Variants in CCDC171 observed in about 807,000 individuals in gnomAD.
CCDC171 encodes the protein coiled-coil domain-containing protein 171.
A neutral mutation model predicts 168.2 loss-of-function variants in CCDC171; 177 were observed. The observed-to-expected ratio is 1.05, with a 90% CI of 0.93 to 1.19. The LOEUF (loss-of-function observed/expected upper bound fraction) is 1.19. Among genes scored for constraint, CCDC171 ranks in the 50% most tolerant of loss-of-function variants. CCDC171 has a pLI of 0.00. For missense variants in CCDC171, 1,991 were observed against 1,539.0 expected, an observed-to-expected ratio of 1.29 and a Z score of -4.91; for synonymous variants, 687 against 540.8, an observed-to-expected ratio of 1.27 and a Z score of -3.75.
At chr9:15,705,349 C>G (rs1335199641) in intron 11 of CCDC171, among the ~76,000 whole-genome samples, 1 of 152,142 alleles carries the variant, frequency 6.6e-6, no homozygotes, top group Admixed American at 6.5e-5. Context: ...AGGTCCTGTG[C>G]TTTACTTAGA....
intron 23 of CCDC171, among the ~76,000 whole-genome samples, chr9:15,856,931 G>C (rs187153218): frequency 2.6e-5 from 4 of 151,968 alleles, no homozygotes; most frequent in African/African-American, 9.6e-5. Context: ...ACCTCATTGT[G>C]GTTTTGATTT....
intron 18 of CCDC171, among the ~76,000 whole-genome samples, chr9:15,771,911 C>T (rs2057032905): frequency 6.6e-6 from 1 of 152,170 alleles, no homozygotes. Flanking sequence ...CAGTTCACTG[C>T]AACCTCTGCC....
At chr9:15,894,321 T>G (rs1311889985) in intron 24 of CCDC171, among the ~76,000 whole-genome samples, 1 of 152,048 alleles carries the variant, frequency 6.6e-6, no homozygotes, top group Non-Finnish European at 1.5e-5. Context: ...AGCTAATGGA[T>G]GCTGGGCTTA....
chr9:15,684,391 A>G (rs953014240), intron 10 of CCDC171, among the ~76,000 whole-genome samples: 4 of 151,804 alleles, frequency 2.6e-5, no homozygotes, highest in African/African-American at 9.7e-5. Flanking sequence ...TGTTTTTTCT[A>G]TTATTTTTAA....
Position 15,821,716 on chromosome 9 carries a change from C to A in CCDC171, c.3268-24986C>A, listed in dbSNP as rs185692869. ...AACAAATGGAAGAACATTCCATGCT[C>A]CTGGGTGGGAAGAATCAATATCGTG... On this transcript the variant is annotated intron_variant, in intron 21 of 25. Coordinates refer to ENST00000380701, the MANE Select transcript of CCDC171 (RefSeq NM_173550.4). Among the ~76,000 whole-genome samples the A allele has an allele frequency of 1.1e-3, 129 of 117,072 alleles. 39 individuals are homozygous for A. Among genetic ancestry groups the A allele is most frequent in the African/African-American group, 4.1e-3 (126 of 31,056 alleles). 76.8% of individuals were successfully genotyped at this position (117,072 alleles called of 152,430 possible).
At chr9:15,863,101 G>A (rs2061627991) in intron 23 of CCDC171, among the ~76,000 whole-genome samples, 1 of 151,904 alleles carries the variant, frequency 6.6e-6, no homozygotes, top group Non-Finnish European at 1.5e-5. Context: ...GGTCATGTCA[G>A]TACTCAAACA....
At chr9:15,871,982 A>C (rs1185516382) in intron 23 of CCDC171, among the ~76,000 whole-genome samples, 2 of 152,148 alleles carry the variant, frequency 1.3e-5, no homozygotes, top group South Asian at 4.1e-4. Flanking sequence ...AATATTTGAG[A>C]ACATTTTAGA....
chr9:15,786,569 A>G (rs1418572967), intron 21 of CCDC171, among the ~76,000 whole-genome samples: 2 of 152,148 alleles, frequency 1.3e-5, no homozygotes, highest in African/African-American at 2.4e-5. Flanking sequence ...TTTCTATGCT[A>G]ATAAGTATAG....
intron 16 of CCDC171, among the ~76,000 whole-genome samples, chr9:15,742,067 C>T (rs145832790): frequency 3.1e-5 from 4 of 128,062 alleles, no homozygotes; most frequent in Non-Finnish European, 7.2e-5. Flanking sequence ...TCTAGGTTTT[C>T]TGTAATTTTC....
rs1479811680 is a variant in CCDC171 at position 15,864,013 on chromosome 9, G to T, written c.3469-10519G>T. Among the ~76,000 whole-genome samples, 4 of 152,068 alleles carry T rather than the reference G, an allele frequency of 2.6e-5. No homozygotes were observed. In the East Asian group the frequency reaches 7.7e-4, roughly 29 times the overall value. On this transcript the variant is annotated intron_variant, in intron 23 of 25. Transcript: ENST00000380701. Reference sequence around the variant, plus strand: ...GTCACGTATAGCAACTGAAGTCTCTGTTGGCTTAGTAGTCAACCACTGTTT... The same window carrying T: ...GTCACGTATAGCAACTGAAGTCTCTTTTGGCTTAGTAGTCAACCACTGTTT...
chr9:16,007,428 T>G (rs1458537209), intron 3 of CCDC171, among the ~76,000 whole-genome samples: 2 of 152,206 alleles, frequency 1.3e-5, no homozygotes, highest in Non-Finnish European at 2.9e-5. Context: ...CAGAAGCTCT[T>G]TAGTTTAATT....
At chr9:15,715,762 G>A (rs1217397307) in intron 11 of CCDC171, among the ~76,000 whole-genome samples, 1 of 152,078 alleles carries the variant, frequency 6.6e-6, no homozygotes, top group Non-Finnish European at 1.5e-5. Context: ...TTCATGAAAA[G>A]TTACTGTTTT....
At chr9:16,052,792 C>G (rs980878026) in intron 1 of CCDC171, among the ~76,000 whole-genome samples, 3 of 151,404 alleles carry the variant, frequency 2.0e-5, no homozygotes, top group African/African-American at 7.3e-5. Context: ...CCTCCCCCAA[C>G]CCACCGCCCC....
intron 3 of CCDC171, among the ~76,000 whole-genome samples, chr9:16,002,954 C>A (rs1033433872): frequency 5.4e-4 from 82 of 152,182 alleles, no homozygotes; most frequent in African/African-American, 2.0e-3. Context: ...GATGGCTATA[C>A]CGTCTAGGTT....
the CCDC171 span, among the ~76,000 whole-genome samples, chr9:16,098,144 G>T: frequency 6.6e-6 from 1 of 151,582 alleles, no homozygotes; most frequent in African/African-American, 2.4e-5. Flanking sequence ...TCAGAGTTCG[G>T]CTATCTTTTA....
chr9:15,654,865 A>G (rs142994851), intron 7 of CCDC171, among the ~76,000 whole-genome samples: 131 of 152,266 alleles, frequency 8.6e-4, no homozygotes, highest in African/African-American at 3.1e-3. Context: ...TGAACAGATG[A>G]GTTCATGTCC....
chr9:16,012,663 A>T (rs533354597), intron 3 of CCDC171, among the ~76,000 whole-genome samples: 1 of 151,328 alleles, frequency 6.6e-6, no homozygotes, highest in East Asian at 2.0e-4. Flanking sequence ...TTTGTATCAG[A>T]CTCTTGCAGA....
the CCDC171 span, among the ~76,000 whole-genome samples, chr9:16,077,891 A>G: frequency 6.6e-6 from 1 of 152,196 alleles, no homozygotes; most frequent in Non-Finnish European, 1.5e-5. Context: ...GAAAAAATGT[A>G]AACTGTTGCT....
chr9:15,915,342 T>C (rs866159127), intron 24 of CCDC171, among the ~76,000 whole-genome samples: 1 of 141,022 alleles, frequency 7.1e-6, no homozygotes, highest in African/African-American at 2.5e-5. Context: ...TCTTTCCGTC[T>C]TTGGTTAAAT....
Sources: allele counts gnomAD v4.1 joint callset (sites outside exome capture counted in the v4.1 genomes callset), GRCh38; gene constraint gnomAD v4.1.1; transcripts MANE v1.5; gene names NCBI Gene and HGNC (gene_info 2026-07-23, HGNC 2026-07-21).